Variants in PKP4 observed in about 807,000 individuals in gnomAD.
The protein encoded by PKP4 is plakophilin-4.
In PKP4, 90 loss-of-function variants were observed where a neutral mutation model predicts 145.1. That is an observed-to-expected ratio of 0.62 (90% confidence interval 0.52 to 0.74). The LOEUF (loss-of-function observed/expected upper bound fraction) is 0.74. Among genes scored for constraint, PKP4 ranks in the 30% least tolerant of loss-of-function variants. PKP4 has a pLI of 0.00. For synonymous variants in PKP4, 563 were observed against 577.2 expected (o/e 0.98, Z 0.35); for missense variants, 1,340 against 1,482.7 (o/e 0.90, Z 1.58).
In PKP4 at chr2:158,596,884, G is replaced by A. The variant is rs73969008; in HGVS notation, c.246-6186G>A. Among the ~76,000 whole-genome samples the A allele has an allele frequency of 2.8e-3, 425 of 152,274 alleles. 2 individuals are homozygous for A. The highest frequency in any genetic ancestry group is 9.6e-3 in the African/African-American group (397 of 41,542). Reference sequence around the variant, plus strand: ...GTCAAGGTGCAGTCTAGACTATGGCGTATAGTTCATATTCCATACCTGTCT... The same window carrying A: ...GTCAAGGTGCAGTCTAGACTATGGCATATAGTTCATATTCCATACCTGTCT... On this transcript the variant is annotated intron_variant, in intron 3 of 21. Coordinates refer to ENST00000389759, the MANE Select transcript of PKP4 (RefSeq NM_003628.6).
chr2:158,477,647 G>C (rs1236015943), intron 1 of PKP4, among the ~76,000 whole-genome samples: 1 of 152,196 alleles, frequency 6.6e-6, no homozygotes, highest in Non-Finnish European at 1.5e-5. Flanking sequence ...ACTGGGATTA[G>C]GCTGAAGTCC....
rs371007095 is a variant in PKP4 at position 158,669,925 on chromosome 2, C to T, written c.2924+10C>T. 5.6e-6 allele frequency: 9 copies of T among 1,600,142 alleles called. No homozygotes were observed. Among genetic ancestry groups the T allele is most frequent in the South Asian group, 2.2e-5 (2 of 89,084 alleles). On this transcript the variant is annotated intron_variant, in intron 17 of 21. Coordinates refer to ENST00000389759, the MANE Select transcript of PKP4 (RefSeq NM_003628.6). The stretch of plus-strand genomic sequence containing the variant: ...AAGGCAGGGGCGACAGGCAAGTCTG[C>T]GGCAAGGAGGTGCAAGCAGTGCTCT...
chr2:158,669,579 C>T, intron 16 of PKP4, 141 bp from the exon 17 acceptor site: 1 of 520,452 alleles, frequency 1.9e-6, no homozygotes, highest in Non-Finnish European at 3.2e-6. Context: ...TTCTTCTTTG[C>T]CATGGGTTTT....
At chr2:158,492,768 TTTC>T (rs1185879158) in intron 1 of PKP4, among the ~76,000 whole-genome samples, 1 of 152,236 alleles carries the variant, frequency 6.6e-6, no homozygotes, top group Non-Finnish European at 1.5e-5. Flanking sequence ...ACATTACTAT[TTTC>T]TTCTTCTTAC....
rs1028174708 is a variant in PKP4, at chr2:158,521,418, A to G, written c.-5-11762A>G. Among the ~76,000 whole-genome samples the G allele has an allele frequency of 1.2e-4, 18 of 152,330 alleles. 1 individual carries two copies. Among genetic ancestry groups the G allele is most frequent in the Admixed American group, 9.1e-4 (14 of 15,308 alleles). On this transcript the variant is annotated intron_variant, in intron 1 of 21. Coordinates refer to ENST00000389759, the MANE Select transcript of PKP4 (RefSeq NM_003628.6). ...CAGATTATCTTGCAGTGATATTTCT[A>G]GTGAAAAATAAATTCATAATCAAAA... is the stretch of plus-strand genomic sequence containing the variant.
At chr2:158,583,108 C>G (rs1380424595) in intron 3 of PKP4, among the ~76,000 whole-genome samples, 3 of 152,166 alleles carry the variant, frequency 2.0e-5, no homozygotes, top group Non-Finnish European at 1.5e-5. Flanking sequence ...GGAAATATGT[C>G]CTTTAAGTCT....
At chr2:158,519,650 G>C (rs1388553401) in intron 1 of PKP4, among the ~76,000 whole-genome samples, 1 of 152,150 alleles carries the variant, frequency 6.6e-6, no homozygotes, top group Non-Finnish European at 1.5e-5. Context: ...CTTACCAAAG[G>C]TCTATAGCAG....
chr2:158,558,669 AGT>A (rs1003204592), intron 2 of PKP4, among the ~76,000 whole-genome samples: 12 of 152,158 alleles, frequency 7.9e-5, no homozygotes, highest in African/African-American at 2.7e-4. Context: ...CCTTGAAATA[AGT>A]GTGTCTGGAA....
chr2:158,476,527 C>T (rs7601201), intron 1 of PKP4, among the ~76,000 whole-genome samples: 1 of 151,406 alleles, frequency 6.6e-6, no homozygotes, highest in South Asian at 2.1e-4. Flanking sequence ...GACAGAATTT[C>T]GCTGTGTTGC....
chr2:158,531,032 A>G (rs182880240), intron 1 of PKP4, among the ~76,000 whole-genome samples: 1 of 152,126 alleles, frequency 6.6e-6, no homozygotes, highest in Admixed American at 6.5e-5. Flanking sequence ...GAGCCCCCTA[A>G]TGGTCAATGT....
At chr2:158,666,176 G>A (rs1373383348) in intron 15 of PKP4, 1 of 302,770 alleles carries the variant, frequency 3.3e-6, no homozygotes, top group Non-Finnish European at 6.1e-6. Context: ...AAAATATCTG[G>A]CAGATGGTGG....
chr2:158,574,365 C>A (rs2047664440), intron 2 of PKP4, among the ~76,000 whole-genome samples: 1 of 152,206 alleles, frequency 6.6e-6, no homozygotes, highest in South Asian at 2.1e-4. Flanking sequence ...CCATTCTTCA[C>A]ATTTTTTGTT....
intron 1 of PKP4, among the ~76,000 whole-genome samples, chr2:158,496,171 A>AG (rs60788177): frequency 0.91 from 137,790 of 151,734 alleles, 62,652 homozygotes; most frequent in East Asian, 0.97. Flanking sequence ...TAGTAGAGAC[A>AG]GGTTTCGCCA....
At chr2:158,533,539 G>T (rs1211590613) in intron 2 of PKP4, 2 of 625,138 alleles carry the variant, frequency 3.2e-6, no homozygotes, top group Non-Finnish European at 6.1e-6. Flanking sequence ...CTGCAAGTAA[G>T]GACAATCTCG....
chr2:158,566,927 A>G lies in PKP4; in HGVS notation c.133-10344A>G, dbSNP rs189476692. Among the ~76,000 whole-genome samples, 198 of 152,334 alleles carry G rather than the reference A, an allele frequency of 1.3e-3. 1 individual carries two copies. Among genetic ancestry groups the G allele is most frequent in the African/African-American group, 4.6e-3 (190 of 41,586 alleles). On this transcript the variant is annotated intron_variant, in intron 2 of 21. Coordinates refer to ENST00000389759, the MANE Select transcript of PKP4 (RefSeq NM_003628.6). Reference sequence around the variant, plus strand: ...GAAAATAAATGCCATTCCCAGTTCAACAATTAAATGTCAGTAGTCTGTTCA... The same window carrying G: ...GAAAATAAATGCCATTCCCAGTTCAGCAATTAAATGTCAGTAGTCTGTTCA...
chr2:158,506,842 T>G (rs1463577814), intron 1 of PKP4, among the ~76,000 whole-genome samples: 1 of 152,220 alleles, frequency 6.6e-6, no homozygotes, highest in Non-Finnish European at 1.5e-5. Flanking sequence ...ATACGACATT[T>G]TGCCAAGAAG....
chr2:158,504,588 A>G (rs1462871114), intron 1 of PKP4, among the ~76,000 whole-genome samples: 2 of 152,314 alleles, frequency 1.3e-5, no homozygotes, highest in African/African-American at 2.4e-5. Context: ...ATTATTTACT[A>G]GAATAGGTAG....
intron 15 of PKP4, among the ~76,000 whole-genome samples, chr2:158,665,205 G>A (rs879493133): frequency 6.6e-6 from 1 of 152,168 alleles, no homozygotes; most frequent in Admixed American, 6.5e-5. Flanking sequence ...GGCTGGGCTG[G>A]GCTGGTAGGT....
chr2:158,624,916 A>G lies in PKP4; in HGVS notation c.642A>G (p.Ser214=), dbSNP rs1462601034. 6.2e-7 allele frequency: 1 copy of G among 1,610,878 alleles called. No homozygotes were observed. The highest frequency in any genetic ancestry group is 8.5e-7 in the Non-Finnish European group (1 of 1,178,104). The part of the protein sequence containing the change: ...VANRAMRRVS[S]VPSRAQSPSY... ...ATCGGGCCATGAGAAGAGTTAGTTC[A>G]GTTCCATCTAGAGCACAGTCTCCTT... Residue 214 remains serine, a synonymous_variant, in exon 7 of 22, where the codon TCA becomes TCG. Coordinates refer to ENST00000389759, the MANE Select transcript of PKP4 (RefSeq NM_003628.6).
Sources: gnomAD v4.1 joint callset for allele counts (sites outside exome capture counted in the v4.1 genomes callset) on GRCh38, gnomAD v4.1.1 for gene constraint, MANE v1.5 for transcripts, NCBI Gene and HGNC (gene_info 2026-07-23, HGNC 2026-07-21) for gene names.